CDK15: variants seen among roughly 807,000 people sequenced by gnomAD.
The protein encoded by CDK15 is cyclin-dependent kinase 15.
CDK15 carries 62 observed loss-of-function variants against 60.3 expected under a neutral mutation model. That is an observed-to-expected ratio of 1.03 (90% CI 0.84 to 1.27). The LOEUF (loss-of-function observed/expected upper bound fraction) is 1.27, where lower values mean the gene tolerates loss of function less well. Ranked by LOEUF, CDK15 falls within the 50% of genes most tolerant of loss-of-function variation. The probability of loss-of-function intolerance (pLI) is 0.00; values close to 1 mark genes in which losing one functional copy is unlikely to be tolerated. For synonymous variants in CDK15, 194 were observed against 195.7 expected (o/e 0.99, Z 0.07); for missense variants, 541 against 527.8 (o/e 1.03, Z -0.25).
intron 9 of CDK15, among the ~76,000 whole-genome samples, chr2:201,848,634 A>G (rs1185052572): frequency 6.6e-6 from 1 of 152,082 alleles, no homozygotes; most frequent in Non-Finnish European, 1.5e-5. Flanking sequence ...TACCTCATAT[A>G]AGTGGAATCA....
chr2:201,889,199 TA>T, intron 12 of CDK15: 1 of 985,444 alleles, frequency 1.0e-6, no homozygotes, highest in Non-Finnish European at 1.2e-6. Flanking sequence ...TAAGGCATTT[TA>T]TGCTTTTGGT....
chr2:201,829,581 C>T (rs949131068), intron 6 of CDK15, among the ~76,000 whole-genome samples: 3 of 152,030 alleles, frequency 2.0e-5, no homozygotes, highest in Non-Finnish European at 4.4e-5. Flanking sequence ...ATGGGATGTA[C>T]AGGCGAGCTC....
At chr2:201,891,449 A>G (rs542301487) in intron 13 of CDK15, among the ~76,000 whole-genome samples, 7 of 152,324 alleles carry the variant, frequency 4.6e-5, no homozygotes, top group South Asian at 4.1e-4. Flanking sequence ...AAGGGTAACA[A>G]ACAAAGTTTT....
chr2:201,883,784 CT>C (rs1699362738), intron 12 of CDK15, among the ~76,000 whole-genome samples: 1 of 152,352 alleles, frequency 6.6e-6, no homozygotes, highest in South Asian at 2.1e-4. Flanking sequence ...GTCCTCGTGG[CT>C]GAGCCAGCAG....
At chr2:201,841,235 C>A (rs546007008) in intron 8 of CDK15, among the ~76,000 whole-genome samples, 1 of 152,250 alleles carries the variant, frequency 6.6e-6, no homozygotes, top group East Asian at 1.9e-4. Flanking sequence ...ACCACATATA[C>A]AAAAATGTAT....
intron 7 of CDK15, among the ~76,000 whole-genome samples, chr2:201,834,726 A>G (rs1176293484): frequency 2.0e-5 from 3 of 152,184 alleles, no homozygotes; most frequent in Non-Finnish European, 4.4e-5. Flanking sequence ...GTACTTGTTG[A>G]AAAACTGGCT....
At chr2:201,875,610 C>T (rs1183466925) in intron 11 of CDK15, among the ~76,000 whole-genome samples, 1 of 152,062 alleles carries the variant, frequency 6.6e-6, no homozygotes, top group Non-Finnish European at 1.5e-5. Context: ...CCTACATAAT[C>T]GAACGATAAC....
chr2:201,813,768 A>G (rs1695874154), intron 4 of CDK15, among the ~76,000 whole-genome samples: 1 of 152,232 alleles, frequency 6.6e-6, no homozygotes, highest in South Asian at 2.1e-4. Context: ...TTTATAACTG[A>G]ATTTGATACC....
chr2:201,807,567 A>G lies in CDK15; in HGVS notation c.197A>G (p.Gln66Arg). ...HPRGLQAARAQKFKSKRPRSN... is the reference protein window; with the variant it reads ...HPRGLQAARARKFKSKRPRSN... ...AGGGGACTTCAAGCTGCCCGTGCCC[A>G]GAAGTTCAAGAGTAAAAGGCCACGG... Residue 66 changes from glutamine (Q) to arginine (R), a missense_variant, in exon 2 of 14, where the codon CAG (glutamine) becomes CGG (arginine). Coordinates refer to ENST00000652192, the MANE Select transcript of CDK15 (RefSeq NM_001366386.2). 1.2e-6 allele frequency: 2 copies of G among 1,614,242 alleles called. No homozygotes were observed. The highest frequency in any genetic ancestry group is 1.7e-6 in the Non-Finnish European group (2 of 1,180,042).
intron 12 of CDK15, chr2:201,889,461 G>A: frequency 2.1e-6 from 2 of 960,224 alleles, no homozygotes; most frequent in Non-Finnish European, 2.5e-6. Context: ...AACACAAGGT[G>A]TTTTGCATAT....
rs1196136834 is a variant in CDK15 at position 201,880,012 on chromosome 2, T to C, written c.1059-16T>C. The C allele has an allele frequency of 1.2e-6, 2 of 1,612,766 alleles. No homozygotes were observed. Among genetic ancestry groups the C allele is most frequent in the African/African-American group, 2.7e-5 (2 of 74,800 alleles). On this transcript the variant is annotated splice_polypyrimidine_tract_variant and intron_variant, in intron 11 of 13. Coordinates refer to ENST00000652192, the MANE Select transcript of CDK15 (RefSeq NM_001366386.2). ...GGCTGCTGGAGAAACTCTATTTTTCTCTCCCACTTTTCCAGGCTGGGCAGG... is the reference window on the plus strand; with the variant it reads ...GGCTGCTGGAGAAACTCTATTTTTCCCTCCCACTTTTCCAGGCTGGGCAGG...
At chr2:201,843,324 T>C (rs1028038133) in intron 8 of CDK15, among the ~76,000 whole-genome samples, 3 of 152,082 alleles carry the variant, frequency 2.0e-5, no homozygotes, top group Admixed American at 2.0e-4. Context: ...GTAGCTGGGA[T>C]TACAGGAACA....
chr2:201,877,684 A>G lies in CDK15; in HGVS notation c.1059-2344A>G, dbSNP rs1379699127. ...GGACAGGATACCCTGGATGAGGAAT[A>G]TATCTGCCAGTCCTTCTTCAGGCCA... is the stretch of plus-strand genomic sequence containing the variant. On this transcript the variant is annotated intron_variant, in intron 11 of 13. Transcript: ENST00000652192. Among the ~76,000 whole-genome samples the G allele has an allele frequency of 2.0e-5, 3 of 152,210 alleles. No homozygotes were observed. The South Asian group carries it at 6.2e-4, about 32-fold the overall frequency.
chr2:201,890,654 A>G, intron 12 of CDK15, 131 bp from the exon 13 acceptor site: 1 of 630,606 alleles, frequency 1.6e-6, no homozygotes. Flanking sequence ...AGTCAGTATG[A>G]ATTATTAGTA....
chr2:201,861,036 G>A (rs534691742), intron 10 of CDK15: 3 of 1,149,736 alleles, frequency 2.6e-6, no homozygotes, highest in Admixed American at 3.8e-5. Context: ...TGAGCTATTA[G>A]CCAAGGGAGT....
Position 201,875,422 on chromosome 2 carries a change from G to A in CDK15, c.1058+3096G>A, listed in dbSNP as rs972888453. 6.6e-5 allele frequency among the ~76,000 whole-genome samples: 10 copies of A among 152,154 alleles called. No homozygotes were observed. In the East Asian group the frequency reaches 1.5e-3, roughly 24 times the overall value. The stretch of plus-strand genomic sequence containing the variant: ...TATGAATCAAATACTTTAACATGTT[G>A]TATATATCCTTCAACCGAACATCAA... On this transcript the variant is annotated intron_variant, in intron 11 of 13. Coordinates refer to ENST00000652192, the MANE Select transcript of CDK15 (RefSeq NM_001366386.2).
intron 12 of CDK15, among the ~76,000 whole-genome samples, chr2:201,890,254 G>C (rs1477221329): frequency 6.6e-6 from 1 of 152,122 alleles, no homozygotes; most frequent in African/African-American, 2.4e-5. Context: ...CTCCCAGTCT[G>C]TCTTGTTCTA....
At chr2:201,813,963 C>T (rs1166807839) in intron 4 of CDK15, among the ~76,000 whole-genome samples, 1 of 152,086 alleles carries the variant, frequency 6.6e-6, no homozygotes, top group Non-Finnish European at 1.5e-5. Flanking sequence ...TATTAATGGT[C>T]TCCATGAAAG....
At chr2:201,880,288 G>A (rs752489766) in intron 12 of CDK15, 121 bp downstream of exon 12, 50 of 1,225,262 alleles carry the variant, frequency 4.1e-5, no homozygotes, top group Non-Finnish European at 5.1e-5. Context: ...ACCCCCAGGA[G>A]TGAAGTTAGA....
Sources: allele counts gnomAD v4.1 joint callset (sites outside exome capture counted in the v4.1 genomes callset), GRCh38; gene constraint gnomAD v4.1.1; transcripts MANE v1.5; gene names NCBI Gene and HGNC (gene_info 2026-07-23, HGNC 2026-07-21).